Variants in CALCR observed in about 807,000 individuals in gnomAD.
CALCR encodes the protein calcitonin receptor.
A neutral mutation model predicts 59.5 loss-of-function variants in CALCR; 47 were observed. That is an observed-to-expected ratio of 0.79 (90% confidence interval 0.63 to 1.01). The LOEUF is 1.01. Among genes scored for constraint, CALCR ranks in the 50% least tolerant of loss-of-function variants. The pLI, the probability that CALCR is intolerant of heterozygous loss-of-function variation, is 0.00. For synonymous variants in CALCR, 213 were observed against 211.3 expected (o/e 1.01, Z -0.07); for missense variants, 566 against 597.1 (o/e 0.95, Z 0.54).
intron 2 of CALCR, among the ~76,000 whole-genome samples, chr7:93,529,945 C>T (rs897246862): frequency 6.6e-6 from 1 of 152,146 alleles, no homozygotes; most frequent in Non-Finnish European, 1.5e-5. Flanking sequence ...ACTATTTCTA[C>T]ATTTCTATAT....
At chr7:93,475,582 G>T (rs1270178413) in intron 5 of CALCR, among the ~76,000 whole-genome samples, 1 of 151,540 alleles carries the variant, frequency 6.6e-6, no homozygotes, top group Non-Finnish European at 1.5e-5. Flanking sequence ...TGGTTTCAAT[G>T]AAGTTATGCA....
At chr7:93,563,930 C>T (rs10464483) in intron 2 of CALCR, among the ~76,000 whole-genome samples, 44,217 of 151,870 alleles carry the variant, frequency 0.29, 7,775 homozygotes, top group Non-Finnish European at 0.39. Flanking sequence ...AGGGTGGCTG[C>T]GAAATTTAAA....
intron 2 of CALCR, among the ~76,000 whole-genome samples, chr7:93,495,341 G>A (rs895100982): frequency 6.6e-6 from 1 of 151,316 alleles, no homozygotes; most frequent in African/African-American, 2.4e-5. Flanking sequence ...CAAGGATTTT[G>A]TTCACTCTTG....
intron 3 of CALCR, 120 bp from the exon 4 acceptor site, chr7:93,479,627 G>A: frequency 2.4e-6 from 2 of 839,082 alleles, no homozygotes; most frequent in Non-Finnish European, 1.9e-6. Context: ...ACTTATTCAT[G>A]GTCTCTATGT....
intron 3 of CALCR, chr7:93,482,772 T>C (rs1160690042): frequency 1.9e-6 from 1 of 533,530 alleles, no homozygotes; most frequent in Admixed American, 1.9e-5. Flanking sequence ...TTCCATCTTA[T>C]CATTCTTGCA....
intron 2 of CALCR, among the ~76,000 whole-genome samples, chr7:93,507,982 C>T (rs983576679): frequency 6.6e-6 from 1 of 151,784 alleles, no homozygotes; most frequent in African/African-American, 2.4e-5. Flanking sequence ...AGAAGACAAC[C>T]TTTCTTTGAT....
intron 2 of CALCR, among the ~76,000 whole-genome samples, chr7:93,504,810 A>G (rs1801392345): frequency 6.6e-6 from 1 of 152,264 alleles, no homozygotes; most frequent in Admixed American, 6.5e-5. Context: ...AGTTAGTGTT[A>G]TCTATTCACT....
intron 2 of CALCR, among the ~76,000 whole-genome samples, chr7:93,563,412 T>C (rs1382924590): frequency 6.6e-6 from 1 of 152,210 alleles, no homozygotes; most frequent in Non-Finnish European, 1.5e-5. Flanking sequence ...TTTAGAGCCA[T>C]GTTTTGCTAA....
chr7:93,481,652 A>C (rs538003221), intron 3 of CALCR, among the ~76,000 whole-genome samples: 43 of 151,848 alleles, frequency 2.8e-4, no homozygotes, highest in Non-Finnish European at 5.9e-4. Flanking sequence ...TCTTGCAAAG[A>C]GAAGAGGGTG....
chr7:93,573,785 C>A (rs1790055467), intron 2 of CALCR, among the ~76,000 whole-genome samples: 1 of 152,200 alleles, frequency 6.6e-6, no homozygotes, highest in Non-Finnish European at 1.5e-5. Flanking sequence ...GGCTGCTATG[C>A]ATAAATGATT....
At chr7:93,539,334 A>T (rs1025825774) in intron 2 of CALCR, among the ~76,000 whole-genome samples, 2 of 151,736 alleles carry the variant, frequency 1.3e-5, no homozygotes, top group Non-Finnish European at 2.9e-5. Context: ...TGCCATTTAG[A>T]GTAGGTGTAT....
rs536142925 is a variant in CALCR at position 93,453,943 on chromosome 7, A to G, written c.648+6878T>C. On this transcript the variant is annotated intron_variant, in intron 8 of 13. Transcript: ENST00000426151. The stretch of plus-strand genomic sequence containing the variant: ...GTAAACTGAAGTAGCATAGATGACC[A>G]GGGTAGGATACTTCATTCCATTACC... Among the ~76,000 whole-genome samples, 5 of 152,234 alleles carry G rather than the reference A, an allele frequency of 3.3e-5. No homozygotes were observed. The East Asian group carries it at 9.7e-4, about 29-fold the overall frequency.
chr7:93,460,573 ATATATATATATATATATATGTATAT>A (rs1350781359), intron 8 of CALCR, among the ~76,000 whole-genome samples: 6 of 77,998 alleles, frequency 7.7e-5, no homozygotes, highest in African/African-American at 3.8e-4. Flanking sequence ...AAAAAAAAAA[ATATATATATATATATATATGTATAT>A]ATATATATAT....
chr7:93,508,081 A>T (rs1584593907), intron 2 of CALCR, among the ~76,000 whole-genome samples: 1 of 152,252 alleles, frequency 6.6e-6, no homozygotes, highest in African/African-American at 2.4e-5. Flanking sequence ...ATGATATTTC[A>T]TAAGATATGC....
At chr7:93,533,536 G>A (rs938042783) in intron 2 of CALCR, among the ~76,000 whole-genome samples, 12 of 151,900 alleles carry the variant, frequency 7.9e-5, no homozygotes, top group African/African-American at 2.9e-4. Context: ...ACTGCTATTG[G>A]TTTCTGTGTT....
Position 93,453,715 on chromosome 7 carries a change from G to A in CALCR, c.648+7106C>T, listed in dbSNP as rs78435373. On this transcript the variant is annotated intron_variant, in intron 8 of 13. Coordinates refer to ENST00000426151, the MANE Select transcript of CALCR (RefSeq NM_001742.4). ...TAAGTCACTGATTTCATGTGTAGAG[G>A]TACCACCAAGATCGGCCAAATGAAA... Among the ~76,000 whole-genome samples the A allele has an allele frequency of 6.9e-3, 1,049 of 151,876 alleles. 17 individuals are homozygous for A. Among genetic ancestry groups the A allele is most frequent in the African/African-American group, 0.024 (996 of 41,408 alleles).
In CALCR at chr7:93,438,080, G is replaced by T; in HGVS notation, c.910C>A (p.Pro304Thr). The T allele has an allele frequency of 6.2e-7, 1 of 1,613,618 alleles. No homozygotes were observed. The highest frequency in any genetic ancestry group is 8.5e-7 in the Non-Finnish European group (1 of 1,179,656). ...CTCACCACAAGTGCCGCCATGACAG[G>T]TCCATGGATTATGTAAAGCAAATGG... is the stretch of plus-strand genomic sequence containing the variant. Reference protein sequence around the residue: ...ETHLLYIIHGPVMAALVVNFF... With the variant: ...ETHLLYIIHGTVMAALVVNFF... Residue 304 changes from proline (P) to threonine (T), a missense_variant, in exon 11 of 14, where the codon CCT becomes ACT. Coordinates refer to ENST00000426151, the MANE Select transcript of CALCR (RefSeq NM_001742.4).
At chr7:93,465,935 TAGG>T (rs34414174) in intron 7 of CALCR, among the ~76,000 whole-genome samples, 9,382 of 151,684 alleles carry the variant, frequency 0.062, 923 homozygotes, top group African/African-American at 0.21. Flanking sequence ...GCAGGCCTCC[TAGG>T]AGGCCTGCTC....
chr7:93,464,843 T>C (rs902258134), intron 7 of CALCR, among the ~76,000 whole-genome samples: 46 of 151,910 alleles, frequency 3.0e-4, no homozygotes, highest in African/African-American at 1.1e-3. Flanking sequence ...TGGTGGATAC[T>C]ACACAAGGTA....
Sources: gnomAD v4.1 joint callset for allele counts (sites outside exome capture counted in the v4.1 genomes callset) on GRCh38, gnomAD v4.1.1 for gene constraint, MANE v1.5 for transcripts, NCBI Gene and HGNC (gene_info 2026-07-23, HGNC 2026-07-21) for gene names.